Variants in NLRP2B observed in about 807,000 individuals in gnomAD.
The protein encoded by NLRP2B is NLR family pyrin domain containing 2B.
For synonymous variants in NLRP2B, 16 were observed against 3.5 expected (o/e 4.63, Z -4.03); for missense variants, 25 against 6.8 (o/e 3.70, Z -3.00).
chrX:57,679,497 G>A lies in NLRP2B; in HGVS notation c.*626C>T, dbSNP rs1238415437. The A allele has an allele frequency of 1.5e-5, 13 of 860,062 alleles. No individual in the cohort carries two copies. The highest frequency in any genetic ancestry group is 2.1e-5 in the South Asian group (1 of 48,077). 70.9% of individuals were successfully genotyped at this position (860,062 alleles called of 1,213,427 possible). ...TCCTGAAGACCAGCTCTGCAAAACT[G>A]CACGGGCCCAGGCAGATGAGCTCCT... On this transcript the variant is annotated 3_prime_UTR_variant, in exon 1 of 1. Coordinates refer to ENST00000434992, the MANE Select transcript of NLRP2B (RefSeq NM_001319967.1).
rs1157005673 is a variant in NLRP2B, at chrX:57,679,929, C to T, written c.*194G>A. On this transcript the variant is annotated 3_prime_UTR_variant, in exon 1 of 1. Coordinates refer to ENST00000434992, the MANE Select transcript of NLRP2B (RefSeq NM_001319967.1). ...TTTGTTTCAGGTCTATAGGTTTTGG[C>T]TCTTCTTTCCCTGTTTTCCCTAATG... The T allele has an allele frequency of 2.4e-5, 7 of 293,664 alleles. No homozygotes were observed. Among genetic ancestry groups the T allele is most frequent in the Non-Finnish European group, 4.1e-5 (7 of 169,100 alleles). 24.2% of individuals were successfully genotyped at this position (293,664 alleles called of 1,213,427 possible).
Position 57,679,796 on chromosome X carries a change from C to G in NLRP2B, c.*327G>C. 1 of 299,153 alleles carries G rather than the reference C, an allele frequency of 3.3e-6. No homozygotes were observed. Among genetic ancestry groups the G allele is most frequent in the Non-Finnish European group, 5.8e-6 (1 of 171,743 alleles). The allele number at this position is 299,153 out of a possible 1,213,427, so 24.7% of individuals were successfully genotyped here. ...TTCAATATACTCCTGTACCTATCCT[C>G]TTTACCTGGCTTTTCTCCTTTCAAG... is the stretch of plus-strand genomic sequence containing the variant. On this transcript the variant is annotated 3_prime_UTR_variant, in exon 1 of 1. Transcript: ENST00000434992.
In NLRP2B at chrX:57,679,422, C is replaced by T; in HGVS notation, c.*701G>A. ...AGCCGTCGACCACGAACAGGATTTT[C>T]TGTGCTTGGGCTAGGATGTTTGGAA... On this transcript the variant is annotated 3_prime_UTR_variant, in exon 1 of 1. Transcript: ENST00000434992. 1 of 977,733 alleles carries T rather than the reference C, an allele frequency of 1.0e-6. No homozygotes were observed. Among genetic ancestry groups the T allele is most frequent in the Non-Finnish European group, 1.5e-6 (1 of 685,956 alleles). 80.6% of individuals were successfully genotyped at this position (977,733 alleles called of 1,213,427 possible).
chrX:57,680,064 T>C lies in NLRP2B; in HGVS notation c.*59A>G. 1 of 426,278 alleles carries C rather than the reference T, an allele frequency of 2.3e-6. No individual in the cohort carries two copies. Among genetic ancestry groups the C allele is most frequent in the South Asian group, 5.7e-5 (1 of 17,629 alleles). 35.1% of individuals were successfully genotyped at this position (426,278 alleles called of 1,213,427 possible). ...CTGGATGGTCTCTATCTTCATCCAG[T>C]AGCTGTGGCAATGGCTGGTGATGAT... On this transcript the variant is annotated 3_prime_UTR_variant, in exon 1 of 1. Transcript: ENST00000434992.
In NLRP2B at chrX:57,677,735, G is replaced by A; in HGVS notation, c.*2388C>T. On this transcript the variant is annotated 3_prime_UTR_variant, in exon 1 of 1. Coordinates refer to ENST00000434992, the MANE Select transcript of NLRP2B (RefSeq NM_001319967.1). ...TGACAGTTTTCCAACAACAACCTCG[G>A]CAGGAAGCATTTTGGGTGTCTCAAA... 3 of 399,514 alleles carry A rather than the reference G, an allele frequency of 7.5e-6. No individual in the cohort carries two copies. The highest frequency in any genetic ancestry group is 5.6e-5 in the Admixed American group (2 of 35,606). 32.9% of individuals were successfully genotyped at this position (399,514 alleles called of 1,213,427 possible).
Position 57,679,122 on chromosome X carries a change from G to A in NLRP2B, c.*1001C>T, listed in dbSNP as rs2011742855. 4.3e-6 allele frequency: 2 copies of A among 462,797 alleles called. No individual in the cohort carries two copies. Among genetic ancestry groups the A allele is most frequent in the Admixed American group, 5.2e-5 (2 of 38,722 alleles). 38.1% of individuals were successfully genotyped at this position (462,797 alleles called of 1,213,427 possible). Reference sequence around the variant, plus strand: ...CGCGTTTCTTCTCATCAGCTCAAAGGCACACATGGCTTGGTCCTCGTCTCC... The same window carrying A: ...CGCGTTTCTTCTCATCAGCTCAAAGACACACATGGCTTGGTCCTCGTCTCC... On this transcript the variant is annotated 3_prime_UTR_variant, in exon 1 of 1. Transcript: ENST00000434992.
chrX:57,679,401 G>T lies in NLRP2B; in HGVS notation c.*722C>A, dbSNP rs1218352739. 3.4e-6 allele frequency: 3 copies of T among 880,246 alleles called. No individual in the cohort carries two copies. The highest frequency in any genetic ancestry group is 3.9e-5 in the African/African-American group (2 of 50,747). 72.5% of individuals were successfully genotyped at this position (880,246 alleles called of 1,213,427 possible). ...GTGGGGCTCCCAGCTCATCAAAGCC[G>T]TCGACCACGAACAGGATTTTCTGTG... On this transcript the variant is annotated 3_prime_UTR_variant, in exon 1 of 1. Transcript: ENST00000434992.
rs967021510 is a variant in NLRP2B at position 57,678,862 on chromosome X, G to A, written c.*1261C>T. On this transcript the variant is annotated 3_prime_UTR_variant, in exon 1 of 1. Transcript: ENST00000434992. ...GTTGAACTCCTGCACCCCGAGCCTC[G>A]CCAAGTCCTCTCCACGGAACACTGA... The A allele has an allele frequency of 1.9e-5, 7 of 367,398 alleles. No homozygotes were observed. The highest frequency in any genetic ancestry group is 2.9e-5 in the Non-Finnish European group (6 of 203,659). 30.3% of individuals were successfully genotyped at this position (367,398 alleles called of 1,213,427 possible).
rs2011757220 is a variant in NLRP2B at position 57,679,991 on chromosome X, A to C, written c.*132T>G. The C allele has an allele frequency of 3.1e-6, 1 of 325,108 alleles. No individual in the cohort carries two copies. Among genetic ancestry groups the C allele is most frequent in the Non-Finnish European group, 5.4e-6 (1 of 186,274 alleles). The allele number at this position is 325,108 out of a possible 1,213,427, so 26.8% of individuals were successfully genotyped here. ...ATTTCAAAGTGTCTTCTCTGAGTTC[A>C]TCCTTTACTTTCTCAGACAGATCCG... On this transcript the variant is annotated 3_prime_UTR_variant, in exon 1 of 1. Coordinates refer to ENST00000434992, the MANE Select transcript of NLRP2B (RefSeq NM_001319967.1).
chrX:57,679,473 C>G lies in NLRP2B; in HGVS notation c.*650G>C. The G allele has an allele frequency of 1.0e-6, 1 of 977,913 alleles. No individual in the cohort carries two copies. Among genetic ancestry groups the G allele is most frequent in the South Asian group, 1.9e-5 (1 of 51,723 alleles). 80.6% of individuals were successfully genotyped at this position (977,913 alleles called of 1,213,427 possible). ...TGTCATCCTGCAATTCAGGCCAGTTCCTGAAGACCAGCTCTGCAAAACTGC... is the reference window on the plus strand; with the variant it reads ...TGTCATCCTGCAATTCAGGCCAGTTGCTGAAGACCAGCTCTGCAAAACTGC... On this transcript the variant is annotated 3_prime_UTR_variant, in exon 1 of 1. Transcript: ENST00000434992.
Position 57,678,885 on chromosome X carries a change from T to C in NLRP2B, c.*1238A>G. ...TCGCCAAGTCCTCTCCACGGAACAC[T>C]GACATCTGCGCCCACAGGCCCTGTG... is the stretch of plus-strand genomic sequence containing the variant. On this transcript the variant is annotated 3_prime_UTR_variant, in exon 1 of 1. Transcript: ENST00000434992. The C allele has an allele frequency of 2.6e-6, 1 of 381,255 alleles. No individual in the cohort carries two copies. The highest frequency in any genetic ancestry group is 3.4e-5 in the South Asian group (1 of 29,611). The allele number at this position is 381,255 out of a possible 1,213,427, so 31.4% of individuals were successfully genotyped here.
Position 57,680,015 on chromosome X carries a change from C to A in NLRP2B, c.*108G>T. ...CATCCTTTACTTTCTCAGACAGATCCGCTCGGTGCATCTTTTCAAAGACCT... is the reference window on the plus strand; with the variant it reads ...CATCCTTTACTTTCTCAGACAGATCAGCTCGGTGCATCTTTTCAAAGACCT... On this transcript the variant is annotated 3_prime_UTR_variant, in exon 1 of 1. Coordinates refer to ENST00000434992, the MANE Select transcript of NLRP2B (RefSeq NM_001319967.1). 1 of 350,603 alleles carries A rather than the reference C, an allele frequency of 2.9e-6. No homozygotes were observed. The highest frequency in any genetic ancestry group is 5.0e-6 in the Non-Finnish European group (1 of 198,806). The allele number at this position is 350,603 out of a possible 1,213,427, so 28.9% of individuals were successfully genotyped here. A position where few individuals can be genotyped will look rare whatever the true frequency, so the allele number is the denominator to read the frequency against.
Position 57,679,568 on chromosome X carries a change from C to A in NLRP2B, c.*555G>T. 5.5e-6 allele frequency: 3 copies of A among 550,151 alleles called. No individual in the cohort carries two copies. Among genetic ancestry groups the A allele is most frequent in the South Asian group, 5.6e-5 (2 of 36,003 alleles). 45.3% of individuals were successfully genotyped at this position (550,151 alleles called of 1,213,427 possible). On this transcript the variant is annotated 3_prime_UTR_variant, in exon 1 of 1. Transcript: ENST00000434992. ...TATCTAAATTTCTGGCTGAGGTTGTCCTCTGCCCAGTCCAGCATTAATTTC... is the reference window on the plus strand; with the variant it reads ...TATCTAAATTTCTGGCTGAGGTTGTACTCTGCCCAGTCCAGCATTAATTTC...
Position 57,679,048 on chromosome X carries a change from T to C in NLRP2B, c.*1075A>G, listed in dbSNP as rs778780262. ...TCTAACCTCTGCAGCTTCAGACTCA[T>C]GCACATGATCCAGCACACCATGGGT... On this transcript the variant is annotated 3_prime_UTR_variant, in exon 1 of 1. Transcript: ENST00000434992. 4.8e-5 allele frequency: 20 copies of C among 414,034 alleles called. No individual in the cohort carries two copies. The highest frequency in any genetic ancestry group is 7.5e-5 in the Non-Finnish European group (17 of 225,902). 34.1% of individuals were successfully genotyped at this position (414,034 alleles called of 1,213,427 possible).
rs2011740033 is a variant in NLRP2B at position 57,678,963 on chromosome X, G to C, written c.*1160C>G. 1 of 469,268 alleles carries C rather than the reference G, an allele frequency of 2.1e-6. No homozygotes were observed. Among genetic ancestry groups the C allele is most frequent in the Admixed American group, 3.0e-5 (1 of 33,127 alleles). The allele number at this position is 469,268 out of a possible 1,213,427, so 38.7% of individuals were successfully genotyped here. ...CGCCCCAGAGCTGTGCGCCCTGCGG[G>C]AACCGGCCGCAAAGGAAGCGCAGGA... On this transcript the variant is annotated 3_prime_UTR_variant, in exon 1 of 1. Coordinates refer to ENST00000434992, the MANE Select transcript of NLRP2B (RefSeq NM_001319967.1).
Position 57,679,871 on chromosome X carries a change from A to G in NLRP2B, c.*252T>C, listed in dbSNP as rs990877523. On this transcript the variant is annotated 3_prime_UTR_variant, in exon 1 of 1. Transcript: ENST00000434992. ...GTGACATCTTCCTCCGTTTCTATAA[A>G]CTCTAGTGCTTCTGCTTCGAAACGC... 7.1e-6 allele frequency: 2 copies of G among 281,730 alleles called. No individual in the cohort carries two copies. The highest frequency in any genetic ancestry group is 5.7e-5 in the African/African-American group (2 of 35,365). The allele number at this position is 281,730 out of a possible 1,213,427, so 23.2% of individuals were successfully genotyped here. A position where few individuals can be genotyped will look rare whatever the true frequency, so the allele number is the denominator to read the frequency against.
At position 57,678,632 on chromosome X, in the gene NLRP2B, G is replaced by A. The variant is rs190593922; in HGVS notation, c.*1491C>T. On this transcript the variant is annotated 3_prime_UTR_variant, in exon 1 of 1. Coordinates refer to ENST00000434992, the MANE Select transcript of NLRP2B (RefSeq NM_001319967.1). ...GCTTGGATCAGGTCGGGGTTCTTGA[G>A]TCTTTCTTCTCTAGAAAACAGCTTC... The A allele has an allele frequency of 4.5e-6, 2 of 442,463 alleles. No homozygotes were observed. Among genetic ancestry groups the A allele is most frequent in the East Asian group, 4.1e-5 (1 of 24,257 alleles). 36.5% of individuals were successfully genotyped at this position (442,463 alleles called of 1,213,427 possible). A position where few individuals can be genotyped will look rare whatever the true frequency, so the allele number is the denominator to read the frequency against.
rs971095367 is a variant in NLRP2B, at chrX:57,680,221, G to A, written c.40C>T (p.Leu14Phe). 2.6e-6 allele frequency: 1 copy of A among 378,454 alleles called. No individual in the cohort carries two copies. The highest frequency in any genetic ancestry group is 4.7e-6 in the Non-Finnish European group (1 of 211,549). The allele number at this position is 378,454 out of a possible 1,213,427, so 31.2% of individuals were successfully genotyped here. A position where few individuals can be genotyped will look rare whatever the true frequency, so the allele number is the denominator to read the frequency against. The change falls in exon 1 of 1, where the codon CTT becomes TTT. Residue 14 changes from leucine (L) to phenylalanine (F), a missense_variant. By Grantham distance (22) the Leu-to-Phe change is conservative. Coordinates refer to ENST00000434992, the MANE Select transcript of NLRP2B (RefSeq NM_001319967.1). ...SAQLDFNLQA[L>F]LGQLSQDDLC... ...TCATCCTGGCTGAGCTGTCCCAGAA[G>A]AGCCTGCAGGTTGAAGTCCAGCTGT...
chrX:57,679,014 C>T lies in NLRP2B; in HGVS notation c.*1109G>A. The T allele has an allele frequency of 2.4e-6, 1 of 424,824 alleles. No individual in the cohort carries two copies. 35.0% of individuals were successfully genotyped at this position (424,824 alleles called of 1,213,427 possible). On this transcript the variant is annotated 3_prime_UTR_variant, in exon 1 of 1. Transcript: ENST00000434992. ...ACAGCCCCGTGCGGGTGGGGCGGGT[C>T]CTTCCCCTTCTAACCTCTGCAGCTT...
Sources: gnomAD v4.1 joint callset for allele counts on GRCh38, gnomAD v4.1.1 for gene constraint, MANE v1.5 for transcripts, NCBI Gene and HGNC (gene_info 2026-07-23, HGNC 2026-07-21) for gene names.